CORO2A: variants seen among roughly 807,000 people sequenced by gnomAD.
CORO2A encodes coronin-2A.
In CORO2A, 47 loss-of-function variants were observed where a neutral mutation model predicts 62.4. The ratio of observed to expected loss-of-function variants is 0.75; its 90% CI spans 0.60 to 0.96. The LOEUF (loss-of-function observed/expected upper bound fraction) is 0.96, where lower values mean the gene tolerates loss of function less well. Ranked by LOEUF, CORO2A falls within the 40% of genes least tolerant of loss-of-function variation. The pLI is 0.00. For synonymous variants in CORO2A, 273 were observed against 268.9 expected (o/e 1.02, Z -0.15); for missense variants, 610 against 684.1 (o/e 0.89, Z 1.21).
At chr9:98,190,640 T>C (rs1008713594) in intron 1 of CORO2A, among the ~76,000 whole-genome samples, 1 of 152,192 alleles carries the variant, frequency 6.6e-6, no homozygotes, top group South Asian at 2.1e-4. Flanking sequence ...CATGATTCCA[T>C]GGTGCATTTA....
rs575034430 is a variant in CORO2A at position 98,186,956 on chromosome 9, C to T, written c.-1+5603G>A. On this transcript the variant is annotated intron_variant, in intron 1 of 11. Transcript: ENST00000375077. The stretch of plus-strand genomic sequence containing the variant: ...CCATCTCTCTGCACCTGTCTTCGTC[C>T]GTTGCTGCAGCTACAACAAAATATC... 2.5e-4 allele frequency among the ~76,000 whole-genome samples: 38 copies of T among 152,216 alleles called. No homozygotes were observed. In the South Asian group the frequency reaches 6.9e-3, roughly 27 times the overall value.
chr9:98,175,238 G>A (rs1001140778), intron 1 of CORO2A, among the ~76,000 whole-genome samples: 1 of 152,158 alleles, frequency 6.6e-6, no homozygotes, highest in Non-Finnish European at 1.5e-5. Flanking sequence ...AGAGGGGCTC[G>A]GTAGGGTGGG....
chr9:98,163,096 C>T (rs750225488), intron 1 of CORO2A, among the ~76,000 whole-genome samples: 1 of 152,252 alleles, frequency 6.6e-6, no homozygotes, highest in Non-Finnish European at 1.5e-5. Context: ...GCTTGGTGGG[C>T]CTGATGCCAT....
At chr9:98,137,522 C>A in intron 3 of CORO2A, 50 bp downstream of exon 3, 1 of 1,488,760 alleles carries the variant, frequency 6.7e-7, no homozygotes, top group Non-Finnish European at 9.4e-7. Context: ...CCCCAACCAC[C>A]CCAATCCCAC....
rs770593745 is a variant in CORO2A at position 98,128,201 on chromosome 9, C to T, written c.1140G>A (p.Thr380=). The part of the protein sequence containing the change: ...PPTAGAQPSL[T]AQEWLSGMNR... ...TCATCCCGCTGAGCCACTCCTGGGC[C>T]GTCAGGGAGGGCTGGGCCCCTGCTG... Residue 380 remains threonine (T), a synonymous_variant, in exon 10 of 12, where the codon ACG becomes ACA. Transcript: ENST00000375077. 14 of 1,613,598 alleles carry T rather than the reference C, an allele frequency of 8.7e-6. No individual in the cohort carries two copies. The highest frequency in any genetic ancestry group is 7.7e-5 in the South Asian group (7 of 90,926).
At chr9:98,173,715 G>A (rs1392373063) in intron 1 of CORO2A, among the ~76,000 whole-genome samples, 1 of 152,088 alleles carries the variant, frequency 6.6e-6, no homozygotes, top group Non-Finnish European at 1.5e-5. Context: ...TTAAGATACG[G>A]GCTTCAGAGT....
chr9:98,130,181 A>G (rs1043637611), intron 7 of CORO2A, among the ~76,000 whole-genome samples: 1 of 152,144 alleles, frequency 6.6e-6, no homozygotes, highest in Non-Finnish European at 1.5e-5. Flanking sequence ...CCTGGTCTCA[A>G]GCCATCTTCC....
intron 1 of CORO2A, among the ~76,000 whole-genome samples, chr9:98,163,768 G>A (rs10634002): frequency 0.044 from 6,470 of 146,980 alleles, 441 homozygotes; most frequent in African/African-American, 0.16. Flanking sequence ...GAGAGAGAGA[G>A]AGAGAGAAAG....
intron 1 of CORO2A, among the ~76,000 whole-genome samples, chr9:98,176,069 A>G (rs560005490): frequency 3.7e-4 from 57 of 152,298 alleles, no homozygotes; most frequent in Non-Finnish European, 6.0e-4. Context: ...AGAAGCACAA[A>G]GTGTTCATGG....
At chr9:98,148,097 G>GAA (rs374306151) in intron 2 of CORO2A, among the ~76,000 whole-genome samples, 3 of 142,736 alleles carry the variant, frequency 2.1e-5, no homozygotes, top group African/African-American at 5.2e-5. Flanking sequence ...AAAAAAAAAA[G>GAA]AAAAAAAAAA....
At chr9:98,153,649 AACACAC>A (rs55685018) in intron 2 of CORO2A, among the ~76,000 whole-genome samples, 5,807 of 133,882 alleles carry the variant, frequency 0.043, 244 homozygotes, top group East Asian at 0.14. Flanking sequence ...TCTGTTTCCA[AACACAC>A]ACACACACAC....
rs1315500965 is a variant in CORO2A at position 98,157,618 on chromosome 9, C to T, written c.43G>A (p.Val15Ile). Residue 15 changes from valine (V) to isoleucine (I), a missense_variant, in exon 2 of 12, where the codon GTC (valine) becomes ATC (isoleucine). Val to Ile is a conservative substitution (Grantham distance 29). Coordinates refer to ENST00000375077, the MANE Select transcript of CORO2A (RefSeq NM_052820.4). The part of the protein sequence containing the change: ...PQYRSSKFRH[V>I]FGKPASKENC... The stretch of plus-strand genomic sequence containing the variant: ...TCCTTGCTGGCTGGTTTGCCAAAGA[C>T]ATGACGGAACTTGGAGCTCCGGTAC... The T allele has an allele frequency of 6.2e-7, 1 of 1,613,930 alleles. No individual in the cohort carries two copies. Among genetic ancestry groups the T allele is most frequent in the Non-Finnish European group, 8.5e-7 (1 of 1,179,874 alleles).
At chr9:98,129,743 C>T in intron 8 of CORO2A, 51 bp downstream of exon 8, 1 of 1,418,804 alleles carries the variant, frequency 7.0e-7, no homozygotes. Flanking sequence ...CCCACCTCGG[C>T]CTCCCGAAGT....
At position 98,124,523 on chromosome 9, in the gene CORO2A, G is replaced by T; in HGVS notation, c.*251C>A. The T allele has an allele frequency of 3.0e-6, 1 of 333,580 alleles. No individual in the cohort carries two copies. Among genetic ancestry groups the T allele is most frequent in the Non-Finnish European group, 5.5e-6 (1 of 182,810 alleles). The allele number at this position is 333,580 out of a possible 1,614,324, so 20.7% of individuals were successfully genotyped here. On this transcript the variant is annotated 3_prime_UTR_variant, in exon 12 of 12. Coordinates refer to ENST00000375077, the MANE Select transcript of CORO2A (RefSeq NM_052820.4). ...CTTGAGAAGTTACAGCTCATCATGG[G>T]CCCTTAATAACAGAATTCAACAGAA...
chr9:98,139,029 G>A (rs1266274529), intron 2 of CORO2A, among the ~76,000 whole-genome samples: 1 of 140,020 alleles, frequency 7.1e-6, no homozygotes, highest in East Asian at 2.1e-4. Context: ...CCTGGCGACA[G>A]AGCAAGATTC....
At position 98,129,858 on chromosome 9, in the gene CORO2A, G is replaced by A. The variant is rs770220176; in HGVS notation, c.903C>T (p.Ser301=). 33 of 1,613,874 alleles carry A rather than the reference G, an allele frequency of 2.0e-5. No homozygotes were observed. In the South Asian group the frequency reaches 2.5e-4, roughly 12 times the overall value. The change falls in exon 8 of 12, where the codon AGC becomes AGT. Residue 301 remains serine, a synonymous_variant. Transcript: ENST00000375077. ...GGTAGCTCAGGTGAGGCTTGTCGGC[G>A]CTCACCTCGTAGTAGCGGATGTTGC... The part of the protein sequence containing the change: ...GDGNIRYYEV[S]ADKPHLSYLT...
At position 98,137,558 on chromosome 9, in the gene CORO2A, G is replaced by T; in HGVS notation, c.318+14C>A. ...TCTTCAGGAAGGGGAAGCCCCTCAG[G>T]GGCTGACACTCACTGTGGCATCTTC... On this transcript the variant is annotated intron_variant, in intron 3 of 11. Transcript: ENST00000375077. The T allele has an allele frequency of 6.2e-7, 1 of 1,605,438 alleles. No individual in the cohort carries two copies. Among genetic ancestry groups the T allele is most frequent in the Non-Finnish European group, 8.5e-7 (1 of 1,172,330 alleles).
Position 98,142,165 on chromosome 9 carries a change from C to T in CORO2A, c.202-4477G>A, listed in dbSNP as rs1587997391. Among the ~76,000 whole-genome samples, 3 of 152,198 alleles carry T rather than the reference C, an allele frequency of 2.0e-5. No homozygotes were observed. The South Asian group carries it at 6.2e-4, about 32-fold the overall frequency. ...TGTAGCTCTTGAAGGGCTCTAGAGA[C>T]CAGGAATGGAGCCCACAGCTGCACT... is the stretch of plus-strand genomic sequence containing the variant. On this transcript the variant is annotated intron_variant, in intron 2 of 11. Transcript: ENST00000375077.
Position 98,176,505 on chromosome 9 carries a change from T to C in CORO2A, c.-1+16054A>G, listed in dbSNP as rs369615356. Reference sequence around the variant, plus strand: ...TTTTCCCCACTGCCCTACCTGTTCCTGGAGCCCCGCCAGCCACATCCATTG... The same window carrying C: ...TTTTCCCCACTGCCCTACCTGTTCCCGGAGCCCCGCCAGCCACATCCATTG... On this transcript the variant is annotated intron_variant, in intron 1 of 11. Coordinates refer to ENST00000375077, the MANE Select transcript of CORO2A (RefSeq NM_052820.4). Among the ~76,000 whole-genome samples, 72 of 152,308 alleles carry C rather than the reference T, an allele frequency of 4.7e-4. 1 individual carries two copies. Among genetic ancestry groups the C allele is most frequent in the African/African-American group, 1.6e-3 (68 of 41,566 alleles).
Sources: allele counts gnomAD v4.1 joint callset (sites outside exome capture counted in the v4.1 genomes callset), GRCh38; gene constraint gnomAD v4.1.1; transcripts MANE v1.5; gene names NCBI Gene and HGNC (gene_info 2026-07-23, HGNC 2026-07-21).